CLIC2: variants seen among roughly 807,000 people sequenced by gnomAD.
CLIC2 encodes the protein CLIC family member 2.
Under a neutral mutation model 14.8 loss-of-function variants are expected in CLIC2, and 9 were observed. That is an observed-to-expected ratio of 0.61 (90% CI 0.37 to 1.06). CLIC2 has a LOEUF of 1.06. Among genes scored for constraint, CLIC2 ranks in the 50% least tolerant of loss-of-function variants. CLIC2 has a pLI of 0.01. For synonymous variants in CLIC2, 61 were observed against 66.3 expected (o/e 0.92, Z 0.39); for missense variants, 148 against 181.4 (o/e 0.82, Z 1.06).
chrX:155,306,809 A>C lies in CLIC2; in HGVS notation c.58-7664T>G, dbSNP rs782465436. ...ATCTCATGAGAACTCACTCACTATC[A>C]TGAGGGCAGCACTAAGCCATGAGAG... On this transcript the variant is annotated intron_variant, in intron 1 of 5. Coordinates refer to ENST00000369449, the MANE Select transcript of CLIC2 (RefSeq NM_001289.6). 1.0e-3 allele frequency among the ~76,000 whole-genome samples: 116 copies of C among 111,184 alleles called. No individual in the cohort carries two copies. In the Admixed American group the frequency reaches 0.011, roughly 10 times the overall value.
Position 155,299,151 on chromosome X carries a change from A to C in CLIC2, c.58-6T>G, listed in dbSNP as rs782783664. ...CTCTCTCCATCACTTCCAGCCTATT[A>C]AGATAAAGAGAGACCTCAGTTCATT... On this transcript the variant is annotated splice_region_variant and splice_polypyrimidine_tract_variant and intron_variant, in intron 1 of 5. Transcript: ENST00000369449. 4.5e-4 allele frequency: 532 copies of C among 1,171,674 alleles called. 5 individuals carry two copies. The South Asian group carries it at 9.2e-3, about 20-fold the overall frequency.
At chrX:155,282,713 G>GC (rs2074924554) in intron 3 of CLIC2, among the ~76,000 whole-genome samples, 1 of 110,906 alleles carries the variant, frequency 9.0e-6, no homozygotes, top group African/African-American at 3.3e-5. Context: ...CAGCTTTCAG[G>GC]CCCTCTCCAT....
intron 3 of CLIC2, chrX:155,290,313 G>A (rs1557317463): frequency 6.8e-6 from 2 of 294,965 alleles, no homozygotes; most frequent in East Asian, 1.2e-4. Context: ...TTGAAAGCTG[G>A]ACTTTTAAAA....
intron 1 of CLIC2, among the ~76,000 whole-genome samples, chrX:155,301,892 T>C (rs371194986): frequency 1.3e-5 from 1 of 78,398 alleles, no homozygotes; most frequent in Non-Finnish European, 2.5e-5. Flanking sequence ...TATTGATTTG[T>C]GTATATTGAA....
At chrX:155,305,074 C>G (rs1157014502) in intron 1 of CLIC2, among the ~76,000 whole-genome samples, 2 of 112,377 alleles carry the variant, frequency 1.8e-5, no homozygotes, top group African/African-American at 3.2e-5. Context: ...CCTACAGAGG[C>G]AGGCAGACCT....
intron 1 of CLIC2, among the ~76,000 whole-genome samples, chrX:155,320,332 C>A (rs977731987): frequency 1.8e-5 from 2 of 112,045 alleles, no homozygotes; most frequent in African/African-American, 3.2e-5. Flanking sequence ...CTGGCAGGTG[C>A]CCCTCTGGGA....
intron 1 of CLIC2, among the ~76,000 whole-genome samples, chrX:155,322,101 C>T (rs1326456535): frequency 3.6e-5 from 4 of 110,991 alleles, no homozygotes; most frequent in Non-Finnish European, 7.5e-5. Context: ...GACTCCCACA[C>T]AATAATAGTG....
chrX:155,331,685 G>A (rs909867513), intron 1 of CLIC2, among the ~76,000 whole-genome samples: 2 of 110,820 alleles, frequency 1.8e-5, no homozygotes, highest in South Asian at 3.8e-4. Context: ...AAGTACAGTC[G>A]GCTAATCAAG....
intron 1 of CLIC2, among the ~76,000 whole-genome samples, chrX:155,328,601 T>C (rs2075146401): frequency 9.1e-6 from 1 of 109,307 alleles, no homozygotes; most frequent in South Asian, 3.7e-4. Context: ...TTTAATGCAA[T>C]CCCTATCAAA....
rs147799675 is a variant in CLIC2 at position 155,327,623 on chromosome X, G to A, written c.57+6748C>T. ...TACCACACATTCTCACTTACAAGTG[G>A]CAGCTAAAAGATGAGAATACATGGA... On this transcript the variant is annotated intron_variant, in intron 1 of 5. Transcript: ENST00000369449. 4.6e-4 allele frequency among the ~76,000 whole-genome samples: 51 copies of A among 110,744 alleles called. No individual in the cohort carries two copies. In the East Asian group the frequency reaches 0.014, roughly 30 times the overall value.
chrX:155,282,528 C>A (rs1372454291), intron 3 of CLIC2, among the ~76,000 whole-genome samples: 1 of 111,063 alleles, frequency 9.0e-6, no homozygotes, highest in Non-Finnish European at 1.9e-5. Context: ...CAGACTTGGG[C>A]AGTAGGCCAG....
chrX:155,299,099 C>T lies in CLIC2; in HGVS notation c.104G>A (p.Arg35His), dbSNP rs934176781. Residue 35 changes from arginine (R) to histidine (H), a missense_variant, in exon 2 of 6, where the codon CGC becomes CAC. Arg to His is a conservative substitution (Grantham distance 29). Transcript: ENST00000369449. ...ESIGNCPFCQ[R>H]LFMILWLKGV... Reference sequence around the variant, plus strand: ...TTTAAGCCAGAGGATCATGAAAAGGCGTTGGCAAAAGGGACAGTTTCCAAT... The same window carrying T: ...TTTAAGCCAGAGGATCATGAAAAGGTGTTGGCAAAAGGGACAGTTTCCAAT... 3.3e-6 allele frequency: 4 copies of T among 1,210,074 alleles called. No individual in the cohort carries two copies. The highest frequency in any genetic ancestry group is 2.3e-4 in the Middle Eastern group (1 of 4,348).
intron 1 of CLIC2, among the ~76,000 whole-genome samples, chrX:155,306,415 A>G (rs2075055810): frequency 1.8e-5 from 2 of 111,604 alleles, no homozygotes; most frequent in Non-Finnish European, 3.8e-5. Flanking sequence ...TGCCAGCACC[A>G]TGCTTCTTGT....
At chrX:155,310,941 G>A (rs1244567389) in intron 1 of CLIC2, among the ~76,000 whole-genome samples, 3 of 112,246 alleles carry the variant, frequency 2.7e-5, no homozygotes, top group Non-Finnish European at 5.6e-5. Context: ...AGTCATGCCT[G>A]GAGTGGCTGG....
intron 3 of CLIC2, among the ~76,000 whole-genome samples, chrX:155,284,109 G>A (rs1306258286): frequency 1.8e-5 from 2 of 111,317 alleles, no homozygotes; most frequent in South Asian, 3.7e-4. Context: ...AGAATTGAGA[G>A]CCTAGTCTTC....
At chrX:155,282,945 A>G (rs2074925535) in intron 3 of CLIC2, among the ~76,000 whole-genome samples, 1 of 107,617 alleles carries the variant, frequency 9.3e-6, no homozygotes, top group Non-Finnish European at 1.9e-5. Context: ...ATGGGTACAG[A>G]CTCCAGGCCA....
intron 3 of CLIC2, chrX:155,291,049 T>C (rs1462439582): frequency 2.6e-6 from 2 of 770,519 alleles, no homozygotes; most frequent in Non-Finnish European, 2.0e-6. Flanking sequence ...CCAGATTCCT[T>C]TTCCAGAGTT....
chrX:155,276,996 G>A lies in CLIC2; in HGVS notation c.*907C>T, dbSNP rs1557315832. 1 of 112,076 alleles carries A rather than the reference G, an allele frequency of 8.9e-6. No individual in the cohort carries two copies. The highest frequency in any genetic ancestry group is 3.2e-5 in the African/African-American group (1 of 30,858). 9.2% of individuals were successfully genotyped at this position (112,076 alleles called of 1,213,427 possible). ...CTTATGCTTGTGTTTCTCTTTTGAGGGAGCAAGAGTTAAGTTCAGCTTTTG... is the reference window on the plus strand; with the variant it reads ...CTTATGCTTGTGTTTCTCTTTTGAGAGAGCAAGAGTTAAGTTCAGCTTTTG... On this transcript the variant is annotated 3_prime_UTR_variant, in exon 6 of 6. Transcript: ENST00000369449.
intron 1 of CLIC2, among the ~76,000 whole-genome samples, chrX:155,325,769 T>C (rs2075134620): frequency 2.4e-5 from 1 of 42,509 alleles, no homozygotes; most frequent in Non-Finnish European, 4.1e-5. Flanking sequence ...GTGATATATA[T>C]ATATATATAT....
Sources: gnomAD v4.1 joint callset for allele counts (sites outside exome capture counted in the v4.1 genomes callset) on GRCh38, gnomAD v4.1.1 for gene constraint, MANE v1.5 for transcripts, NCBI Gene and HGNC (gene_info 2026-07-23, HGNC 2026-07-21) for gene names.